The following FBLN1 variants were observed in gnomAD, a reference collection of about 807,000 sequenced individuals.
FBLN1 encodes the protein fibulin 1.
Under a neutral mutation model 89.7 loss-of-function variants are expected in FBLN1, and 34 were observed. The ratio of observed to expected loss-of-function variants is 0.38; its 90% CI spans 0.29 to 0.50. The LOEUF is 0.50. Ranked by LOEUF, FBLN1 falls within the 20% of genes least tolerant of loss-of-function variation. The pLI, the probability that FBLN1 is intolerant of heterozygous loss-of-function variation, is 0.92. For synonymous variants in FBLN1, 393 were observed against 391.3 expected, an observed-to-expected ratio of 1.00 and a Z score of -0.05; for missense variants, 777 against 988.1, an observed-to-expected ratio of 0.79 and a Z score of 2.86.
At chr22:45,555,299 ATATATAT>A (rs1381207882) in intron 14 of FBLN1, among the ~76,000 whole-genome samples, 1 of 147,248 alleles carries the variant, frequency 6.8e-6, no homozygotes, top group Admixed American at 6.8e-5. Flanking sequence ...ATAAAATGGA[ATATATAT>A]ATGGAATATA....
rs1201166816 is a variant in FBLN1 at position 45,588,659 on chromosome 22, A to G, written c.1972+11551A>G. Among the ~76,000 whole-genome samples the G allele has an allele frequency of 7.9e-6, 1 of 126,552 alleles. No homozygotes were observed. Among genetic ancestry groups the G allele is most frequent in the Non-Finnish European group, 1.8e-5 (1 of 54,260 alleles). The allele number at this position is 126,552 out of a possible 152,430, so 83.0% of individuals were successfully genotyped here. A position where few individuals can be genotyped will look rare whatever the true frequency, so the allele number is the denominator to read the frequency against. ...CTGGGAACAGCCTCTTAGTCTCCAG[A>G]GCCTCCCGCAGGAATGATTTGTGAC... On this transcript the variant is annotated intron_variant, in intron 16 of 16. Transcript: ENST00000327858. The surrounding 1 kb of genome is among the most constrained non-coding windows in gnomAD (Gnocchi z 5.1).
chr22:45,564,789 G>A, intron 14 of FBLN1: 1 of 1,495,230 alleles, frequency 6.7e-7, no homozygotes, highest in South Asian at 1.2e-5. Flanking sequence ...AAGGTGCTCT[G>A]TCAATGTCTG....
In FBLN1 at chr22:45,550,589, T is replaced by C; in HGVS notation, c.1671T>C (p.Pro557=). ...GGFRCLAFEC[P]ENYRRSAATL... ...TCCGCTGCCTGGCCTTCGAGTGCCC[T>C]GAGAACTACCGCCGCTCCGCAGCCA... Residue 557 remains proline, a synonymous_variant, in exon 14 of 17, where the codon CCT becomes CCC. Coordinates refer to ENST00000327858, the MANE Select transcript of FBLN1 (RefSeq NM_006486.3). The surrounding 1 kb of genome is among the most constrained non-coding windows in gnomAD (Gnocchi z 8.4). 1 of 1,613,880 alleles carries C rather than the reference T, an allele frequency of 6.2e-7. No homozygotes were observed. Among genetic ancestry groups the C allele is most frequent in the Non-Finnish European group, 8.5e-7 (1 of 1,179,874 alleles).
At chr22:45,508,866 T>G (rs1287130754) in intron 1 of FBLN1, among the ~76,000 whole-genome samples, 1 of 152,214 alleles carries the variant, frequency 6.6e-6, no homozygotes, top group Non-Finnish European at 1.5e-5. Context: ...TGGCTCAGAC[T>G]CATGGCACTA....
chr22:45,544,065 G>T (rs1202351661), intron 11 of FBLN1, among the ~76,000 whole-genome samples: 1 of 151,982 alleles, frequency 6.6e-6, no homozygotes, highest in Non-Finnish European at 1.5e-5. Flanking sequence ...TTAGGGCGTG[G>T]GTCACTGTGC....
At chr22:45,571,132 A>G (rs1474109963) in intron 14 of FBLN1, among the ~76,000 whole-genome samples, 1 of 150,010 alleles carries the variant, frequency 6.7e-6, no homozygotes, top group Non-Finnish European at 1.5e-5. Flanking sequence ...AAAAAAAAAA[A>G]AAAAGAAAGA....
intron 8 of FBLN1, among the ~76,000 whole-genome samples, chr22:45,538,687 C>G (rs955203364): frequency 6.6e-6 from 1 of 152,156 alleles, no homozygotes; most frequent in Non-Finnish European, 1.5e-5. Context: ...TCCCCCAGCA[C>G]GCACCCTGGG....
chr22:45,589,681 G>A (rs974285866), intron 16 of FBLN1, among the ~76,000 whole-genome samples: 9 of 152,210 alleles, frequency 5.9e-5, no homozygotes, highest in East Asian at 3.9e-4. Flanking sequence ...CTCCAGCAGC[G>A]GCTCCCATGG....
At chr22:45,552,606 C>T (rs954016920) in intron 14 of FBLN1, among the ~76,000 whole-genome samples, 6 of 152,280 alleles carry the variant, frequency 3.9e-5, no homozygotes, top group Non-Finnish European at 7.3e-5. Context: ...CCATGGCCGG[C>T]GCTTCTGTGG....
At position 45,502,997 on chromosome 22, in the gene FBLN1, C is replaced by T; in HGVS notation, c.12C>T (p.Ala4=). Reference sequence around the variant, plus strand: ...GTCGCCCGCCGCCCATGGAGCGCGCCGCGCCGTCGCGCCGGGTCCCGCTTC... The same window carrying T: ...GTCGCCCGCCGCCCATGGAGCGCGCTGCGCCGTCGCGCCGGGTCCCGCTTC... MER[A]APSRRVPLPL... is the part of the protein sequence containing the mutation. The change falls in exon 1 of 17, where the codon GCC becomes GCT. Residue 4 remains alanine, a synonymous_variant. Transcript: ENST00000327858. 8.2e-7 allele frequency: 1 copy of T among 1,224,292 alleles called. No individual in the cohort carries two copies. Among genetic ancestry groups the T allele is most frequent in the East Asian group, 3.5e-5 (1 of 28,562 alleles). The allele number at this position is 1,224,292 out of a possible 1,614,324, so 75.8% of individuals were successfully genotyped here.
rs115680811 is a variant in FBLN1, at chr22:45,581,637, G to A, written c.1972+4529G>A. On this transcript the variant is annotated intron_variant, in intron 16 of 16. Coordinates refer to ENST00000327858, the MANE Select transcript of FBLN1 (RefSeq NM_006486.3). The surrounding 1 kb of genome is among the most constrained non-coding windows in gnomAD (Gnocchi z 7.6). ...GGCCTCCCGGGTTGCAGGGAGCTACGGAGTTGTCTTTGTAGTTTTTTGCAG... is the reference window on the plus strand; with the variant it reads ...GGCCTCCCGGGTTGCAGGGAGCTACAGAGTTGTCTTTGTAGTTTTTTGCAG... Among the ~76,000 whole-genome samples the A allele has an allele frequency of 0.012, 1,893 of 152,182 alleles. 39 individuals carry two copies. Among genetic ancestry groups the A allele is most frequent in the African/African-American group, 0.043 (1,787 of 41,512 alleles).
At chr22:45,507,426 G>T in intron 1 of FBLN1, among the ~76,000 whole-genome samples, 1 of 152,238 alleles carries the variant, frequency 6.6e-6, no homozygotes, top group South Asian at 2.1e-4. Flanking sequence ...GTGTCCTCTG[G>T]GTAATTATTA....
intron 8 of FBLN1, among the ~76,000 whole-genome samples, chr22:45,540,503 C>T (rs1435004195): frequency 1.3e-5 from 2 of 152,118 alleles, no homozygotes; most frequent in East Asian, 3.9e-4. Context: ...CTCTTTGTTC[C>T]CCCATACCAG....
intron 14 of FBLN1, among the ~76,000 whole-genome samples, chr22:45,567,206 C>G (rs1025591858): frequency 6.6e-6 from 1 of 152,236 alleles, no homozygotes; most frequent in Non-Finnish European, 1.5e-5. Context: ...GTTGCTCCAG[C>G]CCCATCTCAC....
At chr22:45,528,356 T>C (rs889744182) in intron 4 of FBLN1, among the ~76,000 whole-genome samples, 1 of 152,150 alleles carries the variant, frequency 6.6e-6, no homozygotes, top group African/African-American at 2.4e-5. Flanking sequence ...CTTTTTTTTT[T>C]TGAGACAGAA....
rs1433642607 is a variant in FBLN1 at position 45,556,795 on chromosome 22, C to T, written c.1697+6180C>T. ...GAATCCTTGTTCTGTCTCCTGGTGG[C>T]GGCGTTCCTCCCTCTGGAACTAAGA... On this transcript the variant is annotated intron_variant, in intron 14 of 16. Transcript: ENST00000327858. This position sits in a 1 kb window ranked among gnomAD's most constrained non-coding sequence, Gnocchi z 4.6. Among the ~76,000 whole-genome samples the T allele has an allele frequency of 6.6e-6, 1 of 152,048 alleles. No homozygotes were observed. Among genetic ancestry groups the T allele is most frequent in the Non-Finnish European group, 1.5e-5 (1 of 68,016 alleles).
In FBLN1 at chr22:45,580,670, C is replaced by T. The variant is rs760749859; in HGVS notation, c.1972+3562C>T. ...CCCAGACACCACACCCGCCCAGAGC[C>T]GGAGCCCAGGGTTGACTGCTGCTGT... is the stretch of plus-strand genomic sequence containing the variant. On this transcript the variant is annotated intron_variant, in intron 16 of 16. Transcript: ENST00000327858. This position sits in a 1 kb window ranked among gnomAD's most constrained non-coding sequence, Gnocchi z 8.6. Among the ~76,000 whole-genome samples the T allele has an allele frequency of 1.5e-4, 23 of 152,378 alleles. No individual in the cohort carries two copies. Among genetic ancestry groups the T allele is most frequent in the African/African-American group, 4.8e-4 (20 of 41,596 alleles).
At chr22:45,553,322 A>G (rs540283424) in intron 14 of FBLN1, among the ~76,000 whole-genome samples, 60 of 152,290 alleles carry the variant, frequency 3.9e-4, no homozygotes, top group African/African-American at 1.3e-3. Flanking sequence ...CCTCTAACGC[A>G]TGACATGGCC....
At position 45,581,648 on chromosome 22, in the gene FBLN1, T is replaced by C. The variant is rs947374900; in HGVS notation, c.1972+4540T>C. ...TTGCAGGGAGCTACGGAGTTGTCTTTGTAGTTTTTTGCAGGCCAGCCCCTC... is the reference window on the plus strand; with the variant it reads ...TTGCAGGGAGCTACGGAGTTGTCTTCGTAGTTTTTTGCAGGCCAGCCCCTC... On this transcript the variant is annotated intron_variant, in intron 16 of 16. Coordinates refer to ENST00000327858, the MANE Select transcript of FBLN1 (RefSeq NM_006486.3). The surrounding 1 kb of genome is among the most constrained non-coding windows in gnomAD (Gnocchi z 7.6). 1.1e-4 allele frequency among the ~76,000 whole-genome samples: 16 copies of C among 151,890 alleles called. No homozygotes were observed. The highest frequency in any genetic ancestry group is 3.6e-4 in the African/African-American group (15 of 41,346).
Sources: gnomAD v4.1 joint callset for allele counts (sites outside exome capture counted in the v4.1 genomes callset) on GRCh38, gnomAD v4.1.1 for gene constraint, Gnocchi (gnomAD v3.1) non-coding constraint, MANE v1.5 for transcripts, NCBI Gene and HGNC (gene_info 2026-07-23, HGNC 2026-07-21) for gene names.